SOX6: variants seen among roughly 807,000 people sequenced by gnomAD.
SOX6 encodes transcription factor SOX-6.
Under a neutral mutation model 97.8 loss-of-function variants are expected in SOX6, and 11 were observed. The observed-to-expected ratio is 0.11, with a 90% CI of 0.07 to 0.19. SOX6 has a LOEUF of 0.19. SOX6 is among the 10% of genes least tolerant of loss of function. The pLI is 1.00. For synonymous variants in SOX6, 360 were observed against 371.4 expected, an observed-to-expected ratio of 0.97 and a Z score of 0.35; for missense variants, 810 against 1,039.5, an observed-to-expected ratio of 0.78 and a Z score of 3.04.
At chr11:16,031,921 G>C (rs1855386526) in intron 12 of SOX6, among the ~76,000 whole-genome samples, 1 of 152,094 alleles carries the variant, frequency 6.6e-6, no homozygotes, top group South Asian at 2.1e-4. Context: ...GACAGATGAG[G>C]AAGTGGCAGT....
chr11:16,322,613 T>C (rs980666384), intron 2 of SOX6, among the ~76,000 whole-genome samples: 1 of 152,174 alleles, frequency 6.6e-6, no homozygotes, highest in African/African-American at 2.4e-5. Context: ...TGAGACAATA[T>C]TTCCCTAAAG....
At chr11:16,583,993 T>C (rs932050790) in intron 4 of SOX6, among the ~76,000 whole-genome samples, 8 of 152,148 alleles carry the variant, frequency 5.3e-5, no homozygotes, top group East Asian at 3.9e-4. Context: ...GATTTGTATC[T>C]CCCTGATGAT....
chr11:16,395,964 T>A (rs2134433843), intron 1 of SOX6, among the ~76,000 whole-genome samples: 1 of 151,954 alleles, frequency 6.6e-6, no homozygotes, highest in East Asian at 1.9e-4. Flanking sequence ...ATGCTAAGAA[T>A]TCACTGATTT....
At chr11:16,180,174 T>G (rs1320467911) in intron 6 of SOX6, among the ~76,000 whole-genome samples, 4 of 151,984 alleles carry the variant, frequency 2.6e-5, no homozygotes, top group African/African-American at 9.6e-5. Flanking sequence ...TGCCTAGAAT[T>G]GTCTTATATT....
At chr11:16,546,556 C>G (rs1847622745) in intron 4 of SOX6, among the ~76,000 whole-genome samples, 1 of 152,070 alleles carries the variant, frequency 6.6e-6, no homozygotes, top group Non-Finnish European at 1.5e-5. Context: ...AACTGGATAT[C>G]CATATGCAGA....
At chr11:16,294,278 T>G (rs1855003448) in intron 3 of SOX6, among the ~76,000 whole-genome samples, 1 of 152,204 alleles carries the variant, frequency 6.6e-6, no homozygotes, top group African/African-American at 2.4e-5. Flanking sequence ...AGTAAATGTT[T>G]ATTACATTAA....
chr11:16,358,154 C>T (rs1857119668), upstream of SOX6, among the ~76,000 whole-genome samples: 1 of 152,130 alleles, frequency 6.6e-6, no homozygotes, highest in Admixed American at 6.6e-5. Context: ...GGGCCAGAGC[C>T]ATAGTGAACA....
chr11:16,067,736 T>C (rs1167602309), intron 9 of SOX6, among the ~76,000 whole-genome samples: 1 of 152,166 alleles, frequency 6.6e-6, no homozygotes, highest in Admixed American at 6.5e-5. Flanking sequence ...TATGATGTGA[T>C]TATTATGCAT....
chr11:16,078,657 T>G (rs1453075400), intron 9 of SOX6, among the ~76,000 whole-genome samples: 2 of 152,076 alleles, frequency 1.3e-5, no homozygotes, highest in Admixed American at 1.3e-4. Flanking sequence ...GATAAGCATA[T>G]AGATATGTAA....
intron 3 of SOX6, among the ~76,000 whole-genome samples, chr11:16,305,937 T>C (rs1855416441): frequency 6.6e-6 from 1 of 152,002 alleles, no homozygotes; most frequent in South Asian, 2.1e-4. Context: ...GTATAGAAGG[T>C]GAGGGATGCT....
chr11:16,719,606 T>C (rs758883178), intron 2 of SOX6, among the ~76,000 whole-genome samples: 11 of 152,202 alleles, frequency 7.2e-5, no homozygotes, highest in Non-Finnish European at 1.5e-4. Flanking sequence ...TCAGAGAATA[T>C]TTGAGGTGAG....
chr11:16,083,226 G>T (rs1848510027), intron 9 of SOX6, among the ~76,000 whole-genome samples: 1 of 152,012 alleles, frequency 6.6e-6, no homozygotes, highest in African/African-American at 2.4e-5. Flanking sequence ...GGCCCTTCAG[G>T]GGCAAGAGTC....
intron 1 of SOX6, among the ~76,000 whole-genome samples, chr11:16,454,061 CTTTTGA>C (rs1170611132): frequency 6.6e-6 from 1 of 152,046 alleles, no homozygotes; most frequent in Non-Finnish European, 1.5e-5. Flanking sequence ...CCACTAGGGC[CTTTTGA>C]TGATGCAGTC....
chr11:16,112,622 T>A (rs1849257171), intron 6 of SOX6, among the ~76,000 whole-genome samples: 1 of 152,186 alleles, frequency 6.6e-6, no homozygotes, highest in African/African-American at 2.4e-5. Flanking sequence ...TCCTACTATA[T>A]CAAATTTCAT....
intron 13 of SOX6, among the ~76,000 whole-genome samples, chr11:15,993,214 G>T (rs1854109820): frequency 6.6e-6 from 1 of 152,110 alleles, no homozygotes; most frequent in Non-Finnish European, 1.5e-5. Context: ...CTATTAATCT[G>T]TGTATCTGAA....
rs549732705 is a variant in SOX6 at position 16,012,556 on chromosome 11, G to C, written c.1732+2386C>G. 1.7e-4 allele frequency among the ~76,000 whole-genome samples: 26 copies of C among 152,124 alleles called. 1 individual carries two copies. The highest frequency in any genetic ancestry group is 1.7e-3 in the South Asian group (8 of 4,822). On this transcript the variant is annotated intron_variant, in intron 13 of 15. Transcript: ENST00000683767. ...AGGCACTGCTGCTATGTGTGACAGA[G>C]TAACATGAGAGCTGGTGTATGGCAT...
intron 6 of SOX6, among the ~76,000 whole-genome samples, chr11:16,182,402 G>A (rs1197761697): frequency 1.8e-4 from 27 of 151,718 alleles, no homozygotes; most frequent in Admixed American, 1.8e-3. Context: ...CCTACAGAGG[G>A]ATCTACAGAA....
intron 3 of SOX6, chr11:16,252,415 G>A (rs1853542131): frequency 6.6e-6 from 1 of 152,206 alleles, no homozygotes; most frequent in Admixed American, 6.6e-5. Flanking sequence ...AGGAACCAGT[G>A]TCGGTAGGAA....
chr11:16,073,050 A>T (rs946893480), intron 9 of SOX6, among the ~76,000 whole-genome samples: 1 of 152,240 alleles, frequency 6.6e-6, no homozygotes, highest in African/African-American at 2.4e-5. Flanking sequence ...AGTCTGAATT[A>T]TAACCAGCTA....
Sources: allele counts gnomAD v4.1 joint callset (sites outside exome capture counted in the v4.1 genomes callset), GRCh38; gene constraint gnomAD v4.1.1; transcripts MANE v1.5; gene names NCBI Gene and HGNC (gene_info 2026-07-23, HGNC 2026-07-21).